The following KCNK12 variants were observed in gnomAD, a reference collection of about 807,000 sequenced individuals.
KCNK12 encodes the protein potassium channel subfamily K member 12.
KCNK12 carries 6 observed loss-of-function variants against 25.3 expected under a neutral mutation model. The ratio of observed to expected loss-of-function variants is 0.24; its 90% confidence interval spans 0.13 to 0.47. The LOEUF (loss-of-function observed/expected upper bound fraction) is 0.47. Among genes scored for constraint, KCNK12 ranks in the 20% least tolerant of loss-of-function variants. KCNK12 has a pLI of 0.99. For missense variants in KCNK12, 444 were observed against 661.7 expected (o/e 0.67, Z 3.61); for synonymous variants, 331 against 311.1 (o/e 1.06, Z -0.67).
At chr2:47,568,897 T>A (rs1417370285) in intron 1 of KCNK12, among the ~76,000 whole-genome samples, 3 of 152,152 alleles carry the variant, frequency 2.0e-5, no homozygotes, top group Non-Finnish European at 4.4e-5. Context: ...GCGTTTCTGC[T>A]GCACTCTATA....
intron 1 of KCNK12, chr2:47,564,071 CA>C: frequency 4.3e-6 from 1 of 231,462 alleles, no homozygotes; most frequent in Non-Finnish European, 8.6e-6. Flanking sequence ...AAGCTGCTCT[CA>C]TTAAAACAAG....
rs775000548 is a variant in KCNK12, at chr2:47,521,820, G to A, written c.392-12C>T. 2.0e-6 allele frequency: 3 copies of A among 1,508,646 alleles called. No homozygotes were observed. The African/African-American group carries it at 4.3e-5, about 21-fold the overall frequency. The allele number at this position is 1,508,646 out of a possible 1,614,324, so 93.5% of individuals were successfully genotyped here. A position where few individuals can be genotyped will look rare whatever the true frequency, so the allele number is the denominator to read the frequency against. ...GGTCATGCCGAAACCTGTGGAGACA[G>A]GGCAGGGTCAGCGCGGTCCTGGCCG... On this transcript the variant is annotated splice_polypyrimidine_tract_variant and intron_variant, in intron 1 of 1. Coordinates refer to ENST00000327876, the MANE Select transcript of KCNK12 (RefSeq NM_022055.2).
chr2:47,551,686 A>AT lies in KCNK12; in HGVS notation c.391+18254dup, dbSNP rs1669436407. On this transcript the variant is annotated intron_variant, in intron 1 of 1. Transcript: ENST00000327876. This position sits in a 1 kb window ranked among gnomAD's most constrained non-coding sequence, Gnocchi z 5.3. The stretch of plus-strand genomic sequence containing the variant: ...TACCCCCTACCCCACACGGCACCAT[A>AT]TTTTTCTGGAGCTCTCCAGTTCTAG... 6.6e-6 allele frequency among the ~76,000 whole-genome samples: 1 copy of AT among 152,090 alleles called. No homozygotes were observed. The highest frequency in any genetic ancestry group is 2.1e-4 in the South Asian group (1 of 4,828).
At position 47,569,069 on chromosome 2, in the gene KCNK12, C is replaced by G. The variant is rs970348001; in HGVS notation, c.391+872G>C. Among the ~76,000 whole-genome samples, 15 of 151,152 alleles carry G rather than the reference C, an allele frequency of 9.9e-5. No individual in the cohort carries two copies. The highest frequency in any genetic ancestry group is 3.2e-4 in the African/African-American group (13 of 41,054). ...GAATTTCTCCACAGGAGCTCAGAGG[C>G]AGCAATCTGGCCACAGAGGGAGGGG... On this transcript the variant is annotated intron_variant, in intron 1 of 1. Transcript: ENST00000327876. The surrounding 1 kb of genome is among the most constrained non-coding windows in gnomAD (Gnocchi z 4.1).
intron 1 of KCNK12, among the ~76,000 whole-genome samples, chr2:47,532,528 C>T (rs961894368): frequency 6.6e-6 from 1 of 152,044 alleles, no homozygotes; most frequent in Non-Finnish European, 1.5e-5. Context: ...CACCTGGCAA[C>T]CGTTCTTTTG....
chr2:47,549,097 A>G (rs1264889853), intron 1 of KCNK12, among the ~76,000 whole-genome samples: 2 of 150,742 alleles, frequency 1.3e-5, no homozygotes, highest in African/African-American at 5.0e-5. Flanking sequence ...CACAATTTCC[A>G]GAGAGCTGTA....
Position 47,512,249 on chromosome 2 carries a change from A to G in KCNK12, c.*8658T>C. 6.2e-7 allele frequency: 1 copy of G among 1,601,870 alleles called. No individual in the cohort carries two copies. The highest frequency in any genetic ancestry group is 2.2e-5 in the East Asian group (1 of 44,758). On this transcript the variant is annotated 3_prime_UTR_variant, in exon 2 of 2. Coordinates refer to ENST00000327876, the MANE Select transcript of KCNK12 (RefSeq NM_022055.2). ...AGATGTTTGCTGAGTATCGTTCTTGATGGAAATCCCCGTGGAACTCCTACA... is the reference window on the plus strand; with the variant it reads ...AGATGTTTGCTGAGTATCGTTCTTGGTGGAAATCCCCGTGGAACTCCTACA...
Position 47,512,491 on chromosome 2 carries a change from T to G in KCNK12, c.*8416A>C. The G allele has an allele frequency of 6.6e-7, 1 of 1,509,846 alleles. No individual in the cohort carries two copies. The highest frequency in any genetic ancestry group is 8.9e-7 in the Non-Finnish European group (1 of 1,122,608). The allele number at this position is 1,509,846 out of a possible 1,614,324, so 93.5% of individuals were successfully genotyped here. Reference sequence around the variant, plus strand: ...TCATTTGTAATTCTACAAACATCCCTTCTGTAAACATTTCCCTCAAAATGG... The same window carrying G: ...TCATTTGTAATTCTACAAACATCCCGTCTGTAAACATTTCCCTCAAAATGG... On this transcript the variant is annotated 3_prime_UTR_variant, in exon 2 of 2. Transcript: ENST00000327876.
chr2:47,562,524 G>T lies in KCNK12; in HGVS notation c.391+7417C>A. 4.2e-6 allele frequency: 1 copy of T among 237,212 alleles called. No homozygotes were observed. The highest frequency in any genetic ancestry group is 8.3e-6 in the Non-Finnish European group (1 of 120,882). 14.7% of individuals were successfully genotyped at this position (237,212 alleles called of 1,614,324 possible). ...GGGAGGAGGCAGCACTCACAAGACA[G>T]AGTCCGGAGCATTCTCCACCACAGC... On this transcript the variant is annotated intron_variant, in intron 1 of 1. Transcript: ENST00000327876. This position sits in a 1 kb window ranked among gnomAD's most constrained non-coding sequence, Gnocchi z 4.8.
intron 1 of KCNK12, among the ~76,000 whole-genome samples, chr2:47,561,647 A>C (rs756137879): frequency 6.6e-5 from 10 of 152,174 alleles, no homozygotes; most frequent in African/African-American, 2.4e-4. Flanking sequence ...GATGCTACTC[A>C]TGGTTACCAG....
At position 47,533,016 on chromosome 2, in the gene KCNK12, A is replaced by AT. The variant is rs1185257557; in HGVS notation, c.392-11209dup. On this transcript the variant is annotated intron_variant, in intron 1 of 1. Coordinates refer to ENST00000327876, the MANE Select transcript of KCNK12 (RefSeq NM_022055.2). The surrounding 1 kb of genome is among the most constrained non-coding windows in gnomAD (Gnocchi z 4.7). The stretch of plus-strand genomic sequence containing the variant: ...GGCCCAATGCCCTACTTATTTATTT[A>AT]TTTTTTATTTTTTTGAGACAGGCTC... Among the ~76,000 whole-genome samples the AT allele has an allele frequency of 2.0e-5, 3 of 151,386 alleles. No individual in the cohort carries two copies. The highest frequency in any genetic ancestry group is 7.3e-5 in the African/African-American group (3 of 41,146).
chr2:47,566,906 T>A lies in KCNK12; in HGVS notation c.391+3035A>T, dbSNP rs1669796879. 6.6e-6 allele frequency: 1 copy of A among 152,126 alleles called. No homozygotes were observed. The highest frequency in any genetic ancestry group is 2.4e-5 in the African/African-American group (1 of 41,424). The allele number at this position is 152,126 out of a possible 1,614,324, so 9.4% of individuals were successfully genotyped here. On this transcript the variant is annotated intron_variant, in intron 1 of 1. Coordinates refer to ENST00000327876, the MANE Select transcript of KCNK12 (RefSeq NM_022055.2). The surrounding 1 kb of genome is among the most constrained non-coding windows in gnomAD (Gnocchi z 4.1). ...GCCACATGAGATTGGACCAAAAAGG[T>A]CCCCTTCTTGTTCTAATCATCTTCA...
In KCNK12 at chr2:47,562,305, T is replaced by A; in HGVS notation, c.391+7636A>T. 1 of 393,662 alleles carries A rather than the reference T, an allele frequency of 2.5e-6. No individual in the cohort carries two copies. The highest frequency in any genetic ancestry group is 4.5e-6 in the Non-Finnish European group (1 of 223,500). The allele number at this position is 393,662 out of a possible 1,614,324, so 24.4% of individuals were successfully genotyped here. A position where few individuals can be genotyped will look rare whatever the true frequency, so the allele number is the denominator to read the frequency against. ...GAGTATAAAGACACTGTGAACATTG[T>A]AAAATCTGCAATTACAAGATTCTGG... On this transcript the variant is annotated intron_variant, in intron 1 of 1. Transcript: ENST00000327876. This position sits in a 1 kb window ranked among gnomAD's most constrained non-coding sequence, Gnocchi z 4.8.
intron 1 of KCNK12, chr2:47,535,103 C>T (rs188509592): frequency 5.6e-5 from 13 of 231,026 alleles, no homozygotes; most frequent in African/African-American, 8.8e-5. Flanking sequence ...CTTAAGGGCC[C>T]GGCTCCCTCA....
chr2:47,560,270 T>C lies in KCNK12; in HGVS notation c.391+9671A>G, dbSNP rs574649830. ...AAGTTCCCAGAGTTCTGGTGAGCTC[T>C]GTGGGAAGCACGTGCTCTACCCTCT... On this transcript the variant is annotated intron_variant, in intron 1 of 1. Transcript: ENST00000327876. This position sits in a 1 kb window ranked among gnomAD's most constrained non-coding sequence, Gnocchi z 4.7. 9.8e-5 allele frequency among the ~76,000 whole-genome samples: 15 copies of C among 152,340 alleles called. No individual in the cohort carries two copies. Among genetic ancestry groups the C allele is most frequent in the African/African-American group, 3.6e-4 (15 of 41,584 alleles).
In KCNK12 at chr2:47,521,272, G is replaced by A; in HGVS notation, c.928C>T (p.Leu310=). ...CAGCAGCGGCAGCTCAGCTTGCGCA[G>A]CATCCAGTTGAGCACCTGCTTGATG... ...ILIKQVLNWM[L]RKLSCRCCAR... Residue 310 remains leucine (L), a synonymous_variant, in exon 2 of 2, where the codon CTG becomes TTG. Transcript: ENST00000327876. 3.7e-6 allele frequency: 6 copies of A among 1,610,670 alleles called. No individual in the cohort carries two copies. In the African/African-American group the frequency reaches 5.3e-5, roughly 14 times the overall value.
Position 47,551,138 on chromosome 2 carries a change from T to C in KCNK12, c.391+18803A>G, listed in dbSNP as rs554716005. The stretch of plus-strand genomic sequence containing the variant: ...ATGACCTAGTCTCTGGCTACTGCTC[T>C]GAGCTCACATTCTAACTCCCACTTG... On this transcript the variant is annotated intron_variant, in intron 1 of 1. Transcript: ENST00000327876. This position sits in a 1 kb window ranked among gnomAD's most constrained non-coding sequence, Gnocchi z 5.3. Among the ~76,000 whole-genome samples the C allele has an allele frequency of 6.6e-6, 1 of 152,312 alleles. No homozygotes were observed. The highest frequency in any genetic ancestry group is 2.4e-5 in the African/African-American group (1 of 41,570).
chr2:47,570,395 C>A lies in KCNK12; in HGVS notation c.-64G>T. The A allele has an allele frequency of 8.3e-7, 1 of 1,209,918 alleles. No homozygotes were observed. Among genetic ancestry groups the A allele is most frequent in the Non-Finnish European group, 1.0e-6 (1 of 975,114 alleles). 74.9% of individuals were successfully genotyped at this position (1,209,918 alleles called of 1,614,324 possible). A position where few individuals can be genotyped will look rare whatever the true frequency, so the allele number is the denominator to read the frequency against. The stretch of plus-strand genomic sequence containing the variant: ...GGCCCGGGCCACGACATCCCCCCGG[C>A]GGGAGCAGGAGCGTGAGGATGGTGG... On this transcript the variant is annotated 5_prime_UTR_variant, in exon 1 of 2. Transcript: ENST00000327876.
intron 1 of KCNK12, among the ~76,000 whole-genome samples, chr2:47,536,948 G>A (rs1040647941): frequency 6.6e-6 from 1 of 152,222 alleles, no homozygotes; most frequent in Non-Finnish European, 1.5e-5. Context: ...TAGTGGTTTG[G>A]ACGATGTTCT....
Sources: allele counts gnomAD v4.1 joint callset (sites outside exome capture counted in the v4.1 genomes callset), GRCh38; gene constraint gnomAD v4.1.1; non-coding constraint Gnocchi (gnomAD v3.1); transcripts MANE v1.5; gene names NCBI Gene and HGNC (gene_info 2026-07-23, HGNC 2026-07-21).